The following CAMK2A variants were observed in gnomAD, a reference collection of about 807,000 sequenced individuals.
CAMK2A encodes the protein calcium/calmodulin-dependent protein kinase type II subunit alpha.
In CAMK2A, 7 loss-of-function variants were observed where a neutral mutation model predicts 79.2. The ratio of observed to expected loss-of-function variants is 0.09; its 90% CI spans 0.05 to 0.17. The LOEUF is 0.17. Among genes scored for constraint, CAMK2A ranks in the 10% least tolerant of loss-of-function variants. The probability of loss-of-function intolerance (pLI) is 1.00; values close to 1 mark genes in which losing one functional copy is unlikely to be tolerated. For missense variants in CAMK2A, 214 were observed against 646.4 expected (o/e 0.33, Z 7.25); for synonymous variants, 242 against 251.7 (o/e 0.96, Z 0.36).
chr5:150,250,844 C>T, intron 9 of CAMK2A, 34 bp from the exon 10 acceptor site: 1 of 1,607,398 alleles, frequency 6.2e-7, no homozygotes. Context: ...TTTGCCCAGC[C>T]TGCCCCAGGC....
intron 3 of CAMK2A, 22 bp downstream of exon 3, chr5:150,264,934 C>T (rs368697825): frequency 1.9e-6 from 3 of 1,609,430 alleles, no homozygotes; most frequent in African/African-American, 1.3e-5. Flanking sequence ...CCCCTGCGCC[C>T]CTCTCATCCC....
chr5:150,248,855 C>A (rs543615747), intron 11 of CAMK2A, among the ~76,000 whole-genome samples: 44 of 152,230 alleles, frequency 2.9e-4, no homozygotes, highest in African/African-American at 1.0e-3. Context: ...CAGGAGGATT[C>A]TCAATGTAGA....
chr5:150,274,207 C>T (rs1166973116), intron 1 of CAMK2A, among the ~76,000 whole-genome samples: 2 of 152,180 alleles, frequency 1.3e-5, no homozygotes, highest in East Asian at 3.8e-4. Context: ...TGTTAAGAGG[C>T]TCTTGGGATT....
chr5:150,263,361 C>T (rs1261442512), intron 3 of CAMK2A, among the ~76,000 whole-genome samples: 1 of 152,030 alleles, frequency 6.6e-6, no homozygotes, highest in African/African-American at 2.4e-5. Flanking sequence ...CATTCACACA[C>T]ACTCACATAC....
At chr5:150,287,025 T>C (rs545068346) in intron 1 of CAMK2A, among the ~76,000 whole-genome samples, 1 of 152,212 alleles carries the variant, frequency 6.6e-6, no homozygotes, top group East Asian at 1.9e-4. Flanking sequence ...CACAGAGCTA[T>C]GGGTGATGAG....
Position 150,251,804 on chromosome 5 carries a change from G to A in CAMK2A, c.639C>T (p.Phe213=). ...ACAGGCGGTGCTGGTCCTCATCCCA[G>A]AACGGGGGGTACCCAACCAGCAGGA... The part of the protein sequence containing the change: ...LYILLVGYPP[F]WDEDQHRLYQ... The change falls in exon 9 of 19, where the codon TTC becomes TTT. Residue 213 remains phenylalanine, a synonymous_variant. Transcript: ENST00000671881. 6.2e-7 allele frequency: 1 copy of A among 1,609,246 alleles called. No individual in the cohort carries two copies. The highest frequency in any genetic ancestry group is 8.5e-7 in the Non-Finnish European group (1 of 1,177,720).
At position 150,250,714 on chromosome 5, in the gene CAMK2A, C is replaced by T. The variant is rs1346541754; in HGVS notation, c.790G>A (p.Glu264Lys). Residue 264 changes from glutamate (E) to lysine (K), a missense_variant, in exon 10 of 19, where the codon GAA becomes AAA. Physicochemically the swap from Glu to Lys is moderately conservative, Grantham distance 56 (BLOSUM62 1). Transcript: ENST00000671881. Reference sequence around the variant, plus strand: ...GAGATCCAGGGGTGCTTAAGGGCTTCGGCAGCTGTGATGCGTTTGGATGGG... The same window carrying T: ...GAGATCCAGGGGTGCTTAAGGGCTTTGGCAGCTGTGATGCGTTTGGATGGG... ...INPSKRITAA[E>K]ALKHPWISHR... is the part of the protein sequence containing the mutation. 1 of 1,614,090 alleles carries T rather than the reference C, an allele frequency of 6.2e-7. No homozygotes were observed. Among genetic ancestry groups the T allele is most frequent in the Non-Finnish European group, 8.5e-7 (1 of 1,179,990 alleles).
intron 15 of CAMK2A, chr5:150,238,453 A>G: frequency 2.4e-6 from 1 of 418,986 alleles, no homozygotes; most frequent in East Asian, 5.1e-5. Context: ...CGTCATCTCA[A>G]AAAAATAAAA....
chr5:150,276,318 C>T (rs1258146730), intron 1 of CAMK2A, among the ~76,000 whole-genome samples: 1 of 152,210 alleles, frequency 6.6e-6, no homozygotes, highest in African/African-American at 2.4e-5. Context: ...CCAGGACTTT[C>T]ACTTTCTTCT....
Position 150,256,706 on chromosome 5 carries a change from G to A in CAMK2A, c.338+60C>T. ...GAGCACAGGCCTCCCCTGGGAAGCT[G>A]ACAGCAGGCAAGAGTGCCCTGTCCC... On this transcript the variant is annotated intron_variant, in intron 5 of 18. Coordinates refer to ENST00000671881, the MANE Select transcript of CAMK2A (RefSeq NM_015981.4). The surrounding 1 kb of genome is among the most constrained non-coding windows in gnomAD (Gnocchi z 4.6). 6.2e-7 allele frequency: 1 copy of A among 1,608,190 alleles called. No individual in the cohort carries two copies. The highest frequency in any genetic ancestry group is 8.5e-7 in the Non-Finnish European group (1 of 1,174,740).
At chr5:150,258,391 T>C (rs1167531105) in intron 3 of CAMK2A, among the ~76,000 whole-genome samples, 1 of 152,124 alleles carries the variant, frequency 6.6e-6, no homozygotes, top group Non-Finnish European at 1.5e-5. Flanking sequence ...AGCCTAAAAA[T>C]GTCCATGCAG....
At chr5:150,248,725 C>T (rs1318802672) in intron 11 of CAMK2A, among the ~76,000 whole-genome samples, 1 of 152,048 alleles carries the variant, frequency 6.6e-6, no homozygotes, top group East Asian at 1.9e-4. Context: ...TTTCTTAATC[C>T]AGTCGATCAT....
chr5:150,232,517 C>A (rs1418649278), intron 15 of CAMK2A, among the ~76,000 whole-genome samples: 3 of 152,230 alleles, frequency 2.0e-5, no homozygotes, highest in Non-Finnish European at 2.9e-5. Flanking sequence ...GGTGTCCTGG[C>A]TCCTGGCAGA....
chr5:150,289,551 A>T lies in CAMK2A; in HGVS notation c.62+13T>A. On this transcript the variant is annotated intron_variant, in intron 1 of 18. Coordinates refer to ENST00000671881, the MANE Select transcript of CAMK2A (RefSeq NM_015981.4). ...CCCCCATGCCTTCCAGGACTTCCTG[A>T]GGCACAACTCACTTGCCCAATTCCT... is the stretch of plus-strand genomic sequence containing the variant. 6.2e-7 allele frequency: 1 copy of T among 1,611,810 alleles called. No individual in the cohort carries two copies. The highest frequency in any genetic ancestry group is 1.7e-5 in the Admixed American group (1 of 59,988).
intron 17 of CAMK2A, among the ~76,000 whole-genome samples, chr5:150,224,038 A>T (rs1229398300): frequency 6.6e-6 from 1 of 152,232 alleles, no homozygotes; most frequent in African/African-American, 2.4e-5. Context: ...ATTGGTGGTC[A>T]TGGGGTGAGG....
At chr5:150,265,943 A>G (rs1437653856) in intron 2 of CAMK2A, among the ~76,000 whole-genome samples, 1 of 152,146 alleles carries the variant, frequency 6.6e-6, no homozygotes, top group East Asian at 1.9e-4. Context: ...TCAAAAAAAA[A>G]AAAAAGAAAA....
intron 2 of CAMK2A, among the ~76,000 whole-genome samples, chr5:150,269,098 T>C (rs1287956440): frequency 6.6e-6 from 1 of 151,896 alleles, no homozygotes; most frequent in Non-Finnish European, 1.5e-5. Context: ...GATGAATAGA[T>C]CCATTGGCTC....
Position 150,264,404 on chromosome 5 carries a change from G to C in CAMK2A, c.217+552C>G, listed in dbSNP as rs534740439. 7.7e-4 allele frequency among the ~76,000 whole-genome samples: 117 copies of C among 152,366 alleles called. 4 individuals are homozygous for C. In the South Asian group the frequency reaches 0.024, roughly 31 times the overall value. On this transcript the variant is annotated intron_variant, in intron 3 of 18. Transcript: ENST00000671881. The stretch of plus-strand genomic sequence containing the variant: ...CCCCAATTGCACAAGGGCTGAAGAA[G>C]GGGGGCCAGGCAGCGAGGTGTTGTT...
chr5:150,264,906 G>A (rs1208510452), intron 3 of CAMK2A, 50 bp downstream of exon 3: 2 of 1,473,124 alleles, frequency 1.4e-6, no homozygotes, highest in South Asian at 2.3e-5. Context: ...AGGGTGGGCA[G>A]GGGAGCAGGG....
Sources: allele counts gnomAD v4.1 joint callset (sites outside exome capture counted in the v4.1 genomes callset), GRCh38; gene constraint gnomAD v4.1.1; non-coding constraint Gnocchi (gnomAD v3.1); transcripts MANE v1.5; gene names NCBI Gene and HGNC (gene_info 2026-07-23, HGNC 2026-07-21).